Variants in CDKAL1 observed in about 807,000 individuals in gnomAD.
CDKAL1 encodes threonylcarbamoyladenosine tRNA methylthiotransferase.
A neutral mutation model predicts 68.2 loss-of-function variants in CDKAL1; 32 were observed. The observed-to-expected ratio is 0.47, with a 90% confidence interval of 0.35 to 0.63. The LOEUF (loss-of-function observed/expected upper bound fraction) is 0.63, where lower values mean the gene tolerates loss of function less well. CDKAL1 is among the 30% of genes least tolerant of loss of function. The pLI is 0.00. For synonymous variants in CDKAL1, 234 were observed against 244.3 expected (o/e 0.96, Z 0.39); for missense variants, 606 against 696.7 (o/e 0.87, Z 1.47).
intron 15 of CDKAL1, among the ~76,000 whole-genome samples, chr6:21,215,690 G>A (rs1035350316): frequency 6.6e-6 from 1 of 152,142 alleles, no homozygotes; most frequent in African/African-American, 2.4e-5. Context: ...TCTTTTCTAT[G>A]AGGAAATGTC....
At chr6:21,119,869 A>G (rs1774618671) in intron 13 of CDKAL1, among the ~76,000 whole-genome samples, 2 of 152,126 alleles carry the variant, frequency 1.3e-5, no homozygotes, top group South Asian at 4.1e-4. Context: ...CTCCCTTGTA[A>G]GAGTCTTACA....
At chr6:20,719,994 A>T (rs1199832023) in intron 5 of CDKAL1, among the ~76,000 whole-genome samples, 1 of 152,080 alleles carries the variant, frequency 6.6e-6, no homozygotes, top group Non-Finnish European at 1.5e-5. Flanking sequence ...CTTACAGTTT[A>T]CCTGTTGAAG....
chr6:21,009,754 A>G (rs1366881785), intron 11 of CDKAL1, among the ~76,000 whole-genome samples: 1 of 152,228 alleles, frequency 6.6e-6, no homozygotes, highest in Non-Finnish European at 1.5e-5. Context: ...CAGAAAGACA[A>G]ATACCGCGTG....
At chr6:21,126,027 G>A (rs917332197) in intron 13 of CDKAL1, among the ~76,000 whole-genome samples, 2 of 152,214 alleles carry the variant, frequency 1.3e-5, no homozygotes, top group African/African-American at 4.8e-5. Context: ...TTTAAAGAAA[G>A]AGGGTGATGT....
At chr6:20,594,411 A>G (rs914488287) in intron 4 of CDKAL1, among the ~76,000 whole-genome samples, 1 of 151,956 alleles carries the variant, frequency 6.6e-6, no homozygotes, top group Non-Finnish European at 1.5e-5. Flanking sequence ...TGTTGCGTTG[A>G]TCCCTTTACC....
At chr6:20,903,326 T>G (rs1179939033) in intron 9 of CDKAL1, among the ~76,000 whole-genome samples, 1 of 152,198 alleles carries the variant, frequency 6.6e-6, no homozygotes, top group Non-Finnish European at 1.5e-5. Flanking sequence ...TATTTGGAGA[T>G]GTGTTCTTGA....
intron 13 of CDKAL1, among the ~76,000 whole-genome samples, chr6:21,169,354 G>A (rs1429274374): frequency 6.6e-6 from 1 of 152,214 alleles, no homozygotes; most frequent in Admixed American, 6.5e-5. Context: ...TCAGATCTCT[G>A]GCTGACACAG....
chr6:20,593,600 A>G (rs1423612400), intron 4 of CDKAL1, among the ~76,000 whole-genome samples: 3 of 125,556 alleles, frequency 2.4e-5, no homozygotes, highest in Admixed American at 1.5e-4. Flanking sequence ...TATTTCATTA[A>G]TCTTTAAAAA....
chr6:21,148,735 T>C (rs1221831426), intron 13 of CDKAL1, among the ~76,000 whole-genome samples: 1 of 152,148 alleles, frequency 6.6e-6, no homozygotes, highest in African/African-American at 2.4e-5. Context: ...CAAAGAGTGA[T>C]AGTATATTGA....
chr6:21,186,396 T>C (rs1340308867), intron 13 of CDKAL1, among the ~76,000 whole-genome samples: 1 of 152,210 alleles, frequency 6.6e-6, no homozygotes, highest in Non-Finnish European at 1.5e-5. Flanking sequence ...TTTGGCTTAT[T>C]TTTAAAAAAT....
At chr6:20,573,315 G>A (rs565023973) in intron 4 of CDKAL1, among the ~76,000 whole-genome samples, 1 of 152,238 alleles carries the variant, frequency 6.6e-6, no homozygotes, top group African/African-American at 2.4e-5. Context: ...GGTGATTGGA[G>A]TTGTATGCAA....
In CDKAL1 at chr6:20,787,485, C is replaced by G. The variant is rs535661712; in HGVS notation, c.638+6220C>G. ...GAAAGCAAGTCCTAGTCCACAGTCTCCAACCAGAATTTAGTAAGCAAGCTG... is the reference window on the plus strand; with the variant it reads ...GAAAGCAAGTCCTAGTCCACAGTCTGCAACCAGAATTTAGTAAGCAAGCTG... On this transcript the variant is annotated intron_variant, in intron 8 of 15. Transcript: ENST00000274695. Among the ~76,000 whole-genome samples, 5 of 152,336 alleles carry G rather than the reference C, an allele frequency of 3.3e-5. No homozygotes were observed. The South Asian group carries it at 1.0e-3, about 32-fold the overall frequency.
intron 12 of CDKAL1, among the ~76,000 whole-genome samples, chr6:21,093,800 C>G (rs1773179745): frequency 7.0e-6 from 1 of 142,484 alleles, no homozygotes; most frequent in Non-Finnish European, 1.5e-5. Flanking sequence ...TGGCTCACTG[C>G]AACCTTGAAC....
chr6:20,697,353 A>G (rs112722671), intron 5 of CDKAL1, among the ~76,000 whole-genome samples: 2,283 of 152,294 alleles, frequency 0.015, 49 homozygotes, highest in African/African-American at 0.052. Context: ...TGAAATGTCA[A>G]GGAAATTGTA....
chr6:20,613,899 G>T (rs2127725427), intron 4 of CDKAL1, among the ~76,000 whole-genome samples: 1 of 152,122 alleles, frequency 6.6e-6, no homozygotes, highest in East Asian at 1.9e-4. Context: ...CTTGTGTAGA[G>T]ATTATATTAA....
chr6:20,560,012 T>C (rs1764206921), intron 4 of CDKAL1, among the ~76,000 whole-genome samples: 1 of 152,222 alleles, frequency 6.6e-6, no homozygotes, highest in Admixed American at 6.5e-5. Flanking sequence ...ACTTCTGAGA[T>C]GTTAACAATT....
At chr6:20,702,763 G>A (rs190846885) in intron 5 of CDKAL1, among the ~76,000 whole-genome samples, 4 of 152,244 alleles carry the variant, frequency 2.6e-5, no homozygotes, top group African/African-American at 7.2e-5. Flanking sequence ...GGCCGGCCAG[G>A]GTGGTCTTGG....
At chr6:20,911,824 A>T (rs1043669889) in intron 9 of CDKAL1, among the ~76,000 whole-genome samples, 1 of 152,218 alleles carries the variant, frequency 6.6e-6, no homozygotes, top group Admixed American at 6.5e-5. Flanking sequence ...TGATATTTCT[A>T]TTCCAGCATT....
intron 13 of CDKAL1, among the ~76,000 whole-genome samples, chr6:21,147,964 C>T (rs971972952): frequency 5.9e-5 from 9 of 152,164 alleles, no homozygotes; most frequent in East Asian, 5.8e-4. Context: ...ATTAAGTAGG[C>T]GGAAAGCATG....
Sources: gnomAD v4.1 joint callset for allele counts (sites outside exome capture counted in the v4.1 genomes callset) on GRCh38, gnomAD v4.1.1 for gene constraint, MANE v1.5 for transcripts, NCBI Gene and HGNC (gene_info 2026-07-23, HGNC 2026-07-21) for gene names.